OR4N2: variants seen among roughly 807,000 people sequenced by gnomAD.
OR4N2 encodes the protein olfactory receptor family 4 subfamily N member 2.
For missense variants in OR4N2, 307 were observed against 377.6 expected (o/e 0.81, Z 1.55); for synonymous variants, 141 against 140.4 (o/e 1.00, Z -0.03).
At chr14:19,825,973 T>C (rs1879688162) in intron 1 of OR4N2, among the ~76,000 whole-genome samples, 1 of 152,278 alleles carries the variant, frequency 6.6e-6, no homozygotes, top group South Asian at 2.1e-4. Flanking sequence ...TTAAAAAATC[T>C]ATTCCCCTAA....
intron 1 of OR4N2, among the ~76,000 whole-genome samples, chr14:19,814,828 C>A (rs554501443): frequency 1.3e-5 from 2 of 152,212 alleles, no homozygotes; most frequent in African/African-American, 2.4e-5. Flanking sequence ...CCTAGCCCCC[C>A]ACCCTGTGAC....
At chr14:19,809,562 G>A (rs1879246663) in intron 1 of OR4N2, among the ~76,000 whole-genome samples, 1 of 152,114 alleles carries the variant, frequency 6.6e-6, no homozygotes, top group African/African-American at 2.4e-5. Flanking sequence ...AAGCAAAAAA[G>A]AACAAAGCTG....
intron 1 of OR4N2, among the ~76,000 whole-genome samples, chr14:19,808,766 T>G (rs1443351758): frequency 6.7e-6 from 1 of 150,120 alleles, no homozygotes; most frequent in African/African-American, 2.5e-5. Flanking sequence ...GTCAAAACAA[T>G]CCCATGCAAA....
At position 19,828,115 on chromosome 14, in the gene OR4N2, T is replaced by C. The variant is rs1199631774; in HGVS notation, c.667T>C (p.Cys223Arg). The stretch of plus-strand genomic sequence containing the variant: ...TCTGGCCTCCTATGCAGTCATTCTT[T>C]GTCGCATACGAGGGTCTTCTTCTGA... Reference protein sequence around the residue: ...GLLASYAVILCRIRGSSSEAK... With the variant: ...GLLASYAVILRRIRGSSSEAK... Residue 223 changes from cysteine (C) to arginine (R), a missense_variant, in exon 2 of 2, where the codon TGT becomes CGT. Transcript: ENST00000557677. The C allele has an allele frequency of 1.2e-6, 2 of 1,614,260 alleles. No individual in the cohort carries two copies. Among genetic ancestry groups the C allele is most frequent in the East Asian group, 4.5e-5 (2 of 44,890 alleles).
At chr14:19,824,326 C>G (rs1780870) in intron 1 of OR4N2, among the ~76,000 whole-genome samples, 129,151 of 152,126 alleles carry the variant, frequency 0.85, 53,212 homozygotes, top group Admixed American at 0.86. Flanking sequence ...GAAGAAAGTT[C>G]ATCAAGAAGT....
At chr14:19,807,387 A>C (rs1879191209) in intron 1 of OR4N2, among the ~76,000 whole-genome samples, 1 of 152,100 alleles carries the variant, frequency 6.6e-6, no homozygotes, top group Non-Finnish European at 1.5e-5. Context: ...TACAATCAGA[A>C]ATAAAAATGA....
intron 1 of OR4N2, among the ~76,000 whole-genome samples, chr14:19,816,842 AGCTCTTATTATTTT>A (rs1465296455): frequency 6.6e-6 from 1 of 152,232 alleles, no homozygotes; most frequent in African/African-American, 2.4e-5. Context: ...TGTCATAAAT[AGCTCTTATTATTTT>A]CAGATACGTT....
chr14:19,809,403 C>A (rs1449649717), intron 1 of OR4N2, among the ~76,000 whole-genome samples: 1 of 152,126 alleles, frequency 6.6e-6, no homozygotes, highest in Non-Finnish European at 1.5e-5. Context: ...AAGAAACTAT[C>A]AATAGAGTAA....
At position 19,827,750 on chromosome 14, in the gene OR4N2, T is replaced by C; in HGVS notation, c.302T>C (p.Leu101Pro). The change falls in exon 2 of 2, where the codon CTC (leucine) becomes CCC (proline). Residue 101 changes from leucine to proline, a missense_variant. Coordinates refer to ENST00000557677, the MANE Select transcript of OR4N2 (RefSeq NM_001004723.3). ...TCCTACAGAGGCTGCATCACTCAGCTCTTTTTCTTGCACTTCCTTGGAGGA... is the reference window on the plus strand; with the variant it reads ...TCCTACAGAGGCTGCATCACTCAGCCCTTTTTCTTGCACTTCCTTGGAGGA... The part of the protein sequence containing the change: ...IISYRGCITQ[L>P]FFLHFLGGGE... 1 of 1,614,282 alleles carries C rather than the reference T, an allele frequency of 6.2e-7. No individual in the cohort carries two copies. Among genetic ancestry groups the C allele is most frequent in the Non-Finnish European group, 8.5e-7 (1 of 1,180,056 alleles).
chr14:19,806,025 C>A (rs1879156340), intron 1 of OR4N2, among the ~76,000 whole-genome samples: 1 of 152,122 alleles, frequency 6.6e-6, no homozygotes, highest in South Asian at 2.1e-4. Context: ...AAATAAAATG[C>A]CAAGGTAATA....
intron 1 of OR4N2, among the ~76,000 whole-genome samples, chr14:19,807,214 A>T (rs1780889): frequency 0.081 from 12,059 of 149,258 alleles, 105 homozygotes; most frequent in East Asian, 0.18. Context: ...TAGCAGAATA[A>T]CAGATATAAC....
intron 1 of OR4N2, among the ~76,000 whole-genome samples, chr14:19,806,866 A>G (rs1289699596): frequency 6.6e-6 from 1 of 152,102 alleles, no homozygotes; most frequent in African/African-American, 2.4e-5. Flanking sequence ...CACATTCTTG[A>G]ACCACAGTGC....
At chr14:19,814,158 T>G (rs374563087) in intron 1 of OR4N2, among the ~76,000 whole-genome samples, 1 of 152,148 alleles carries the variant, frequency 6.6e-6, no homozygotes, top group East Asian at 1.9e-4. Flanking sequence ...AAAATAGAAT[T>G]AATAAAATAA....
At chr14:19,818,895 A>C (rs1323620368) in intron 1 of OR4N2, among the ~76,000 whole-genome samples, 1 of 152,222 alleles carries the variant, frequency 6.6e-6, no homozygotes, top group Non-Finnish European at 1.5e-5. Flanking sequence ...AAAATCTGTT[A>C]GTATTTTCTT....
chr14:19,812,478 C>T (rs1203911662), intron 1 of OR4N2, among the ~76,000 whole-genome samples: 1 of 151,766 alleles, frequency 6.6e-6, no homozygotes, highest in Non-Finnish European at 1.5e-5. Context: ...TACAGGCACC[C>T]GCCACCAAGC....
intron 1 of OR4N2, among the ~76,000 whole-genome samples, chr14:19,823,908 G>A (rs1324944795): frequency 1.3e-5 from 2 of 152,220 alleles, no homozygotes; most frequent in African/African-American, 4.8e-5. Flanking sequence ...TTGGCTCCAG[G>A]AGCTCATCTG....
Position 19,828,316 on chromosome 14 carries a change from C to T in OR4N2, c.868C>T (p.Arg290Cys), listed in dbSNP as rs532135396. Reference sequence around the variant, plus strand: ...GTTGAATCCTGTCATTTATACCCTTCGCAACCAGGAAGTGAAAGCTTCCAT... The same window carrying T: ...GTTGAATCCTGTCATTTATACCCTTTGCAACCAGGAAGTGAAAGCTTCCAT... ...PLLNPVIYTL[R>C]NQEVKASMKK... Residue 290 changes from arginine (R) to cysteine (C), a missense_variant, in exon 2 of 2, where the codon CGC becomes TGC. Coordinates refer to ENST00000557677, the MANE Select transcript of OR4N2 (RefSeq NM_001004723.3). 122 of 1,613,918 alleles carry T rather than the reference C, an allele frequency of 7.6e-5. No individual in the cohort carries two copies. The highest frequency in any genetic ancestry group is 8.9e-5 in the East Asian group (4 of 44,878).
chr14:19,813,461 G>A (rs7140520), intron 1 of OR4N2, among the ~76,000 whole-genome samples: 17,014 of 149,682 alleles, frequency 0.11, 586 homozygotes, highest in South Asian at 0.24. Flanking sequence ...CTGCAGAGGA[G>A]TGCAGCAGGG....
intron 1 of OR4N2, among the ~76,000 whole-genome samples, chr14:19,804,984 A>G (rs1399654726): frequency 6.6e-6 from 1 of 152,072 alleles, no homozygotes; most frequent in Non-Finnish European, 1.5e-5. Flanking sequence ...ATTGGTTTAT[A>G]GTCTATTTTG....
Sources: gnomAD v4.1 joint callset for allele counts (sites outside exome capture counted in the v4.1 genomes callset) on GRCh38, gnomAD v4.1.1 for gene constraint, MANE v1.5 for transcripts, NCBI Gene and HGNC (gene_info 2026-07-23, HGNC 2026-07-21) for gene names.